Variants in USP34 observed in about 807,000 individuals in gnomAD.
USP34 encodes the protein ubiquitin carboxyl-terminal hydrolase 34.
USP34 carries 70 observed loss-of-function variants against 460.3 expected under a neutral mutation model. That is an observed-to-expected ratio of 0.15 (90% CI 0.13 to 0.19). The LOEUF (loss-of-function observed/expected upper bound fraction) is 0.19. Among genes scored for constraint, USP34 ranks in the 10% least tolerant of loss-of-function variants. The pLI is 1.00. For missense variants in USP34, 3,985 were observed against 4,236.2 expected, an observed-to-expected ratio of 0.94 and a Z score of 1.65; for synonymous variants, 1,647 against 1,405.3, an observed-to-expected ratio of 1.17 and a Z score of -3.85.
At chr2:61,290,929 A>C (rs528299063) in intron 33 of USP34, among the ~76,000 whole-genome samples, 1 of 152,288 alleles carries the variant, frequency 6.6e-6, no homozygotes, top group South Asian at 2.1e-4. Context: ...ACAACATCAA[A>C]AGGACAAGCA....
intron 41 of USP34, among the ~76,000 whole-genome samples, chr2:61,270,067 C>T (rs932083196): frequency 6.6e-6 from 1 of 152,200 alleles, no homozygotes; most frequent in Non-Finnish European, 1.5e-5. Flanking sequence ...CCATCCCTTC[C>T]CAGCCTAAAA....
intron 54 of USP34, 42 bp from the exon 55 acceptor site, chr2:61,236,278 T>A (rs1377902141): frequency 1.9e-6 from 3 of 1,592,696 alleles, no homozygotes; most frequent in Non-Finnish European, 2.6e-6. Flanking sequence ...CACGTAAGAT[T>A]TTTTTAAAAT....
intron 13 of USP34, 118 bp from the exon 14 acceptor site, chr2:61,349,004 A>C: frequency 8.3e-7 from 1 of 1,204,392 alleles, no homozygotes; most frequent in Non-Finnish European, 1.1e-6. Context: ...AAGTAGCCAA[A>C]AATAAAATCT....
chr2:61,220,945 G>A (rs533011834), intron 66 of USP34, among the ~76,000 whole-genome samples: 27 of 136,926 alleles, frequency 2.0e-4, no homozygotes, highest in African/African-American at 8.2e-4. Context: ...GTGGCTGCCC[G>A]TTTTTGTTGT....
rs371932427 is a variant in USP34 at position 61,294,937 on chromosome 2, A to G, written c.4461+12T>C. 487 of 1,600,628 alleles carry G rather than the reference A, an allele frequency of 3.0e-4. No individual in the cohort carries two copies. The highest frequency in any genetic ancestry group is 3.8e-4 in the Non-Finnish European group (447 of 1,172,874). On this transcript the variant is annotated intron_variant, in intron 32 of 79. Transcript: ENST00000398571. ...TTTTTATCAATACATTGAAAAACAC[A>G]TATGATCAAACCTTGCAACTCCAGG... is the stretch of plus-strand genomic sequence containing the variant.
intron 2 of USP34, among the ~76,000 whole-genome samples, chr2:61,408,636 C>G (rs1693950277): frequency 6.6e-6 from 1 of 152,062 alleles, no homozygotes; most frequent in Non-Finnish European, 1.5e-5. Flanking sequence ...TGGCTCACAC[C>G]TGTCATCACA....
At chr2:61,350,740 C>A in intron 10 of USP34, 47 bp from the exon 11 acceptor site, 2 of 1,577,290 alleles carry the variant, frequency 1.3e-6, no homozygotes, top group Non-Finnish European at 1.7e-6. Flanking sequence ...TTGCCCAATA[C>A]ATGTAGATTA....
intron 35 of USP34, 113 bp from the exon 36 acceptor site, chr2:61,283,562 G>C: frequency 8.8e-7 from 1 of 1,131,002 alleles, no homozygotes; most frequent in Admixed American, 2.4e-5. Context: ...AAAAAGGAAA[G>C]CAGTGGGTGT....
chr2:61,223,959 T>C (rs1310295613), intron 62 of USP34, among the ~76,000 whole-genome samples: 2 of 152,202 alleles, frequency 1.3e-5, no homozygotes, highest in Non-Finnish European at 2.9e-5. Context: ...ATCCACTCAA[T>C]ATGAATTATT....
At chr2:61,371,040 T>C (rs561438963) in intron 8 of USP34, among the ~76,000 whole-genome samples, 80 of 152,168 alleles carry the variant, frequency 5.3e-4, no homozygotes, top group Non-Finnish European at 1.0e-3. Flanking sequence ...CTGATACTAT[T>C]GAAGATTCAA....
At chr2:61,253,974 A>G (rs1356017532) in intron 48 of USP34, among the ~76,000 whole-genome samples, 2 of 152,208 alleles carry the variant, frequency 1.3e-5, no homozygotes, top group Non-Finnish European at 2.9e-5. Flanking sequence ...ACCTCAGGCA[A>G]TCCACCTGCC....
rs1687061488 is a variant in USP34, at chr2:61,204,510, G to A, written c.9246C>T (p.His3082=). The A allele has an allele frequency of 1.9e-6, 3 of 1,613,848 alleles. No individual in the cohort carries two copies. The highest frequency in any genetic ancestry group is 1.3e-5 in the African/African-American group (1 of 74,934). Residue 3082 remains histidine (H), a synonymous_variant, in exon 73 of 80, where the codon CAC becomes CAT. Transcript: ENST00000398571. The part of the protein sequence containing the change: ...FLQHNHCTYH[H]SNIPMSLGPY... The stretch of plus-strand genomic sequence containing the variant: ...ATAAATACGTACTTGGTATATTACT[G>A]TGATGGTAAGTACAATGGTTGTGTT...
At chr2:61,301,215 CGG>C in intron 28 of USP34, 55 bp from the exon 29 acceptor site, 1 of 1,545,304 alleles carries the variant, frequency 6.5e-7, no homozygotes, top group Non-Finnish European at 8.7e-7. Flanking sequence ...TTTAATAAAA[CGG>C]TAAATCTGAA....
At chr2:61,248,769 A>G (rs913520063) in intron 48 of USP34, 86 bp from the exon 49 acceptor site, 14 of 1,269,984 alleles carry the variant, frequency 1.1e-5, no homozygotes, top group African/African-American at 4.5e-5. Context: ...ATCCATTTCA[A>G]TTTTCAACTC....
intron 13 of USP34, 128 bp from the exon 14 acceptor site, chr2:61,349,014 T>TC: frequency 8.7e-7 from 1 of 1,152,674 alleles, no homozygotes; most frequent in Non-Finnish European, 1.2e-6. Context: ...AAATAAAATC[T>TC]CTAAATATGT....
intron 1 of USP34, among the ~76,000 whole-genome samples, chr2:61,421,122 T>A (rs577802182): frequency 6.6e-6 from 1 of 152,246 alleles, no homozygotes; most frequent in South Asian, 2.1e-4. Context: ...GACCATGCAA[T>A]CTACATTTTT....
rs1691051709 is a variant in USP34, at chr2:61,325,288, A to C, written c.3013+87T>G. 7.2e-6 allele frequency: 6 copies of C among 834,534 alleles called. No individual in the cohort carries two copies. In the South Asian group the frequency reaches 8.6e-5, roughly 12 times the overall value. The allele number at this position is 834,534 out of a possible 1,614,324, so 51.7% of individuals were successfully genotyped here. A position where few individuals can be genotyped will look rare whatever the true frequency, so the allele number is the denominator to read the frequency against. ...AATTAAATTAAACTAAAAAAAAAAA[A>C]AAACTGCAGAAATCAGAAGCAAAAG... On this transcript the variant is annotated intron_variant, in intron 21 of 79. Transcript: ENST00000398571.
At chr2:61,458,523 T>G (rs960878694) in intron 1 of USP34, among the ~76,000 whole-genome samples, 1 of 136,090 alleles carries the variant, frequency 7.3e-6, no homozygotes, top group Non-Finnish European at 1.5e-5. Context: ...ATCACACCAT[T>G]GCACTCCAGC....
At chr2:61,402,284 G>A (rs1693743969) in intron 3 of USP34, among the ~76,000 whole-genome samples, 1 of 151,828 alleles carries the variant, frequency 6.6e-6, no homozygotes, top group Non-Finnish European at 1.5e-5. Flanking sequence ...TGTCTCTTAA[G>A]GGGAAAAAAA....
Sources: allele counts gnomAD v4.1 joint callset (sites outside exome capture counted in the v4.1 genomes callset), GRCh38; gene constraint gnomAD v4.1.1; transcripts MANE v1.5; gene names NCBI Gene and HGNC (gene_info 2026-07-23, HGNC 2026-07-21).